Variants in COL21A1 observed in about 807,000 individuals in gnomAD.
The protein encoded by COL21A1 is collagen alpha-1(XXI) chain.
COL21A1 carries 149 observed loss-of-function variants against 137.9 expected under a neutral mutation model. That is an observed-to-expected ratio of 1.08 (90% CI 0.95 to 1.24). The LOEUF is 1.24. Among genes scored for constraint, COL21A1 ranks in the 50% most tolerant of loss-of-function variants. The pLI is 0.00. For missense variants in COL21A1, 1,167 were observed against 1,158.4 expected, an observed-to-expected ratio of 1.01 and a Z score of -0.11; for synonymous variants, 456 against 391.5, an observed-to-expected ratio of 1.16 and a Z score of -1.95.
chr6:56,258,419 C>G (rs926321898), intron 1 of COL21A1, among the ~76,000 whole-genome samples: 3 of 152,154 alleles, frequency 2.0e-5, no homozygotes, highest in African/African-American at 7.2e-5. Context: ...CTACTCCACT[C>G]TACCTGCATC....
At chr6:56,248,086 A>G (rs1209189714), upstream of COL21A1, among the ~76,000 whole-genome samples, 1 of 152,234 alleles carries the variant, frequency 6.6e-6, no homozygotes, top group African/African-American at 2.4e-5. Flanking sequence ...TAGCAATTAC[A>G]AAGGAAGCCT....
chr6:56,125,679 G>GA (rs1346362846), intron 13 of COL21A1, 59 bp from the exon 14 acceptor site: 121 of 1,095,980 alleles, frequency 1.1e-4, no homozygotes, highest in Non-Finnish European at 1.4e-4. Flanking sequence ...TTCTTATAAA[G>GA]AAAAAATACA....
chr6:56,079,573 T>C (rs1031167965), intron 17 of COL21A1, among the ~76,000 whole-genome samples: 1 of 151,544 alleles, frequency 6.6e-6, no homozygotes, highest in African/African-American at 2.4e-5. Context: ...CCCCACAGTT[T>C]ACTCCTTGGA....
intron 1 of COL21A1, among the ~76,000 whole-genome samples, chr6:56,279,338 T>C (rs1317198020): frequency 6.6e-6 from 1 of 152,202 alleles, no homozygotes. Flanking sequence ...AATTAAATAT[T>C]TTATTTATAA....
At chr6:56,171,179 T>C (rs1220829119) in intron 3 of COL21A1, 51 bp from the exon 4 acceptor site, 1 of 1,350,600 alleles carries the variant, frequency 7.4e-7, no homozygotes, top group African/African-American at 1.5e-5. Context: ...ATTCAAACAA[T>C]AAAAGAAAAA....
intron 1 of COL21A1, among the ~76,000 whole-genome samples, chr6:56,187,260 C>T (rs1778363787): frequency 6.6e-6 from 1 of 152,034 alleles, no homozygotes; most frequent in African/African-American, 2.4e-5. Context: ...TGATAACTAA[C>T]CCACTCCCAT....
At chr6:56,233,671 A>C (rs903433513) in intron 1 of COL21A1, among the ~76,000 whole-genome samples, 10 of 151,768 alleles carry the variant, frequency 6.6e-5, no homozygotes, top group Admixed American at 3.3e-4. Context: ...AAAGGAAAAA[A>C]TTTCAGAGCT....
chr6:56,106,988 C>T (rs559530766), intron 16 of COL21A1, among the ~76,000 whole-genome samples: 2 of 152,072 alleles, frequency 1.3e-5, no homozygotes, highest in Non-Finnish European at 2.9e-5. Context: ...GGGGTTTCAC[C>T]GTGTTAGCCA....
chr6:56,124,071 G>T lies in COL21A1; in HGVS notation c.1749C>A (p.Pro583=), dbSNP rs367832381. Residue 583 remains proline, a synonymous_variant, in exon 16 of 30, where the codon CCC becomes CCA. Transcript: ENST00000244728. ...TTTTTTTTATAAATACCTTGAAACC[G>T]GGACTACCCATTAATCCATCCTTTC... The part of the protein sequence containing the change: ...RHGKDGLMGS[P]GFKGEAGSPG... 8.0e-5 allele frequency: 120 copies of T among 1,507,068 alleles called. No individual in the cohort carries two copies. In the African/African-American group the frequency reaches 1.3e-3, roughly 16 times the overall value. The allele number at this position is 1,507,068 out of a possible 1,614,324, so 93.4% of individuals were successfully genotyped here.
At chr6:56,232,022 T>A (rs767658430) in intron 1 of COL21A1, among the ~76,000 whole-genome samples, 1 of 151,854 alleles carries the variant, frequency 6.6e-6, no homozygotes, top group Non-Finnish European at 1.5e-5. Context: ...ACAAAAAAAG[T>A]TAGCAAATGA....
At chr6:56,065,041 T>C (rs1766121417) in intron 23 of COL21A1, among the ~76,000 whole-genome samples, 2 of 151,834 alleles carry the variant, frequency 1.3e-5, no homozygotes, top group Admixed American at 6.6e-5. Flanking sequence ...TTTTTAAAAA[T>C]TAAAATATAC....
intron 1 of COL21A1, among the ~76,000 whole-genome samples, chr6:56,209,836 T>C (rs1438269088): frequency 2.6e-5 from 4 of 152,202 alleles, no homozygotes; most frequent in Non-Finnish European, 2.9e-5. Context: ...TGTATGTTTA[T>C]TGCGGCACTG....
chr6:56,200,116 T>C (rs2152297058), intron 1 of COL21A1, among the ~76,000 whole-genome samples: 1 of 152,234 alleles, frequency 6.6e-6, no homozygotes, highest in African/African-American at 2.4e-5. Flanking sequence ...ATTCCATTGA[T>C]GGAGTAAGTT....
At chr6:56,078,664 G>A (rs933954778) in intron 17 of COL21A1, among the ~76,000 whole-genome samples, 10 of 151,586 alleles carry the variant, frequency 6.6e-5, no homozygotes, top group Non-Finnish European at 1.0e-4. Flanking sequence ...TGTGCTAATC[G>A]CAATTATAGG....
At chr6:56,069,162 A>G (rs1000024804) in intron 21 of COL21A1, 45 bp from the exon 22 acceptor site, 2 of 1,307,996 alleles carry the variant, frequency 1.5e-6, no homozygotes, top group Non-Finnish European at 2.1e-6. Context: ...TCTACTGCTT[A>G]TGAAAAGCAC....
At chr6:56,175,562 A>G (rs1777403410) in intron 3 of COL21A1, among the ~76,000 whole-genome samples, 2 of 152,090 alleles carry the variant, frequency 1.3e-5, no homozygotes, top group Admixed American at 6.5e-5. Context: ...TAAAATACTT[A>G]GAAATAAACT....
intron 1 of COL21A1, among the ~76,000 whole-genome samples, chr6:56,388,360 T>G (rs190331162): frequency 4.2e-4 from 64 of 152,130 alleles, no homozygotes; most frequent in African/African-American, 1.2e-3. Context: ...GACATAGGAG[T>G]GCTTACATCC....
intron 1 of COL21A1, among the ~76,000 whole-genome samples, chr6:56,281,405 T>C (rs72877996): frequency 0.017 from 2,630 of 152,262 alleles, 30 homozygotes; most frequent in South Asian, 0.024. Flanking sequence ...ATAGTTAGCA[T>C]GGCAATGAGG....
intron 3 of COL21A1, among the ~76,000 whole-genome samples, chr6:56,176,736 G>A (rs1015820387): frequency 6.6e-6 from 1 of 151,738 alleles, no homozygotes; most frequent in African/African-American, 2.4e-5. Flanking sequence ...AAGATATGCT[G>A]TACAACATTG....
Sources: gnomAD v4.1 joint callset for allele counts (sites outside exome capture counted in the v4.1 genomes callset) on GRCh38, gnomAD v4.1.1 for gene constraint, MANE v1.5 for transcripts, NCBI Gene and HGNC (gene_info 2026-07-23, HGNC 2026-07-21) for gene names.